The following CNN2 variants were observed in gnomAD, a reference collection of about 807,000 sequenced individuals.
The protein encoded by CNN2 is calponin 2, also known as calponin-2.
A neutral mutation model predicts 31.0 loss-of-function variants in CNN2; 21 were observed. That is an observed-to-expected ratio of 0.68 (90% CI 0.48 to 0.98). CNN2 has a LOEUF of 0.98. CNN2 is among the 50% of genes least tolerant of loss of function. The pLI is 0.00. For missense variants in CNN2, 399 were observed against 427.3 expected (o/e 0.93, Z 0.58); for synonymous variants, 165 against 179.6 (o/e 0.92, Z 0.65).
intron 1 of CNN2, among the ~76,000 whole-genome samples, chr19:1,028,616 T>C (rs2039437713): frequency 1.3e-5 from 2 of 151,866 alleles, no homozygotes; most frequent in Admixed American, 1.3e-4. Flanking sequence ...GAACAGCTGG[T>C]TCAGATTTAG....
At chr19:1,029,674 G>T (rs1489613836) in intron 1 of CNN2, among the ~76,000 whole-genome samples, 1 of 151,776 alleles carries the variant, frequency 6.6e-6, no homozygotes, top group Non-Finnish European at 1.5e-5. Flanking sequence ...CAGGGAGAGG[G>T]ATTTGATTTT....
intron 2 of CNN2, 67 bp from the exon 3 acceptor site, chr19:1,032,325 G>C: frequency 6.3e-7 from 1 of 1,589,330 alleles, no homozygotes; most frequent in South Asian, 1.1e-5. Context: ...GATCAGCATC[G>C]GGTCTTCACG....
intron 1 of CNN2, among the ~76,000 whole-genome samples, chr19:1,029,827 G>A (rs1162034235): frequency 6.6e-6 from 1 of 151,786 alleles, no homozygotes; most frequent in Admixed American, 6.6e-5. Context: ...AGCCTCCCAA[G>A]TAGCTGGGAC....
In CNN2 at chr19:1,031,564, C is replaced by CAA. The variant is rs536524090; in HGVS notation, c.185+397_185+398dup. Among the ~76,000 whole-genome samples, 96 of 66,298 alleles carry CAA rather than the reference C, an allele frequency of 1.4e-3. 1 individual carries two copies. The highest frequency in any genetic ancestry group is 3.1e-3 in the African/African-American group (44 of 14,014). 43.5% of individuals were successfully genotyped at this position (66,298 alleles called of 152,430 possible). Reference sequence around the variant, plus strand: ...GGGGTGACACAGCGAGACTCCATCTCAAAAAAAAAAAAAAAAAAAAAAAAA... The same window carrying CAA: ...GGGGTGACACAGCGAGACTCCATCTCAAAAAAAAAAAAAAAAAAAAAAAAAAA... On this transcript the variant is annotated intron_variant, in intron 2 of 6. Coordinates refer to ENST00000263097, the MANE Select transcript of CNN2 (RefSeq NM_004368.4).
rs1294227296 is a variant in CNN2 at position 1,037,487 on chromosome 19, G to T, written c.655-138G>T. On this transcript the variant is annotated intron_variant, in intron 6 of 6. Transcript: ENST00000263097. ...GGGTTTCACCGTGTTGGCCAGGCTG[G>T]ACTGGAACTCCTGACCTCAGGTGAT... is the stretch of plus-strand genomic sequence containing the variant. 1.8e-5 allele frequency: 19 copies of T among 1,078,140 alleles called. No homozygotes were observed. The African/African-American group carries it at 2.9e-4, about 16-fold the overall frequency. The allele number at this position is 1,078,140 out of a possible 1,614,324, so 66.8% of individuals were successfully genotyped here.
chr19:1,028,524 T>A (rs1780417987), intron 1 of CNN2, among the ~76,000 whole-genome samples: 2 of 152,064 alleles, frequency 1.3e-5, no homozygotes, highest in Non-Finnish European at 2.9e-5. Context: ...CTCAGTTGAC[T>A]CCCGGCTGGA....
chr19:1,036,000 G>A (rs1409834340), intron 4 of CNN2, 130 bp from the exon 5 acceptor site: 1 of 1,393,346 alleles, frequency 7.2e-7, no homozygotes, highest in African/African-American at 1.5e-5. Flanking sequence ...CGAGAGATGT[G>A]CCTGTGGGGG....
At chr19:1,035,616 C>T (rs181216705) in intron 4 of CNN2, among the ~76,000 whole-genome samples, 5 of 152,242 alleles carry the variant, frequency 3.3e-5, no homozygotes, top group African/African-American at 1.2e-4. Context: ...TAAGACAAGG[C>T]ACGCTGGGAT....
chr19:1,036,141 G>A lies in CNN2; in HGVS notation c.402G>A (p.Lys134=), dbSNP rs2144629685. ...TTTCCCTCACCCAGGCCAAGACTAA[G>A]GGGCTGCAGAGCGGGGTGGACATTG... The part of the protein sequence containing the change: ...LLALAGKAKT[K]GLQSGVDIGV... Residue 134 remains lysine, a synonymous_variant, in exon 5 of 7, where the codon AAG becomes AAA. Coordinates refer to ENST00000263097, the MANE Select transcript of CNN2 (RefSeq NM_004368.4). 6.2e-7 allele frequency: 1 copy of A among 1,611,424 alleles called. No individual in the cohort carries two copies. Among genetic ancestry groups the A allele is most frequent in the African/African-American group, 1.3e-5 (1 of 74,944 alleles).
rs1294171958 is a variant in CNN2 at position 1,031,056 on chromosome 19, C to T, written c.64-15C>T. On this transcript the variant is annotated splice_polypyrimidine_tract_variant and intron_variant, in intron 1 of 6. Transcript: ENST00000263097. Reference sequence around the variant, plus strand: ...CCCCCAGCCCAGCTCAGTCTCGTGCCCTTTGCTCCACCAGCTCCTGTCCAA... The same window carrying T: ...CCCCCAGCCCAGCTCAGTCTCGTGCTCTTTGCTCCACCAGCTCCTGTCCAA... The T allele has an allele frequency of 3.1e-6, 5 of 1,609,758 alleles. No individual in the cohort carries two copies. Among genetic ancestry groups the T allele is most frequent in the Non-Finnish European group, 3.4e-6 (4 of 1,177,832 alleles).
intron 6 of CNN2, 42 bp downstream of exon 6, chr19:1,036,604 T>G (rs1423458267): frequency 9.9e-6 from 16 of 1,612,740 alleles, no homozygotes; most frequent in Non-Finnish European, 1.2e-5. Context: ...TCCCTGCCCC[T>G]CTACACCCTG....
chr19:1,032,328 T>A (rs1391066638), intron 2 of CNN2, 64 bp from the exon 3 acceptor site: 4 of 1,590,694 alleles, frequency 2.5e-6, no homozygotes, highest in African/African-American at 1.4e-5. Context: ...CAGCATCGGG[T>A]CTTCACGGTT....
intron 6 of CNN2, chr19:1,037,268 G>A: frequency 4.1e-6 from 1 of 246,674 alleles, no homozygotes; most frequent in Non-Finnish European, 8.1e-6. Flanking sequence ...CTCCCGAGTA[G>A]CTGAGACTAC....
rs750111327 is a variant in CNN2 at position 1,036,580 on chromosome 19, GC to G, written c.654+23del. On this transcript the variant is annotated intron_variant, in intron 6 of 6. Coordinates refer to ENST00000263097, the MANE Select transcript of CNN2 (RefSeq NM_004368.4). Reference sequence around the variant, plus strand: ...CCAGCCAGGTGGGGCTCGCCCGGGTGCCCCCGACTCCTCTCCCTGCCCCTCT... The same window carrying G: ...CCAGCCAGGTGGGGCTCGCCCGGGTGCCCCGACTCCTCTCCCTGCCCCTCT... The G allele has an allele frequency of 1.2e-5, 20 of 1,613,280 alleles. 1 individual carries two copies. In the South Asian group the frequency reaches 1.8e-4, roughly 14 times the overall value.
chr19:1,030,836 AGCCGGTTGTCG>A, intron 1 of CNN2: 1 of 451,026 alleles, frequency 2.2e-6, no homozygotes, highest in Middle Eastern at 6.5e-4. Context: ...GTGAGTTCTA[AGCCGGTTGTCG>A]GCCTGCTTGG....
intron 1 of CNN2, among the ~76,000 whole-genome samples, chr19:1,029,882 A>G (rs1434585962): frequency 6.6e-6 from 1 of 151,824 alleles, no homozygotes; most frequent in Non-Finnish European, 1.5e-5. Flanking sequence ...GTATTTTAGT[A>G]CAGACGGGAT....
chr19:1,038,985 C>A lies in CNN2; in HGVS notation c.*1085C>A, dbSNP rs1044355214. On this transcript the variant is annotated 3_prime_UTR_variant, in exon 7 of 7. Coordinates refer to ENST00000263097, the MANE Select transcript of CNN2 (RefSeq NM_004368.4). Reference sequence around the variant, plus strand: ...CCGCCAAGTACTGCACAGGGACCCCCCACCCAGGGGACCTGCTCCGTGAGA... The same window carrying A: ...CCGCCAAGTACTGCACAGGGACCCCACACCCAGGGGACCTGCTCCGTGAGA... The A allele has an allele frequency of 6.6e-6, 1 of 152,538 alleles. No homozygotes were observed. The highest frequency in any genetic ancestry group is 1.5e-5 in the Non-Finnish European group (1 of 68,076). The allele number at this position is 152,538 out of a possible 1,614,324, so 9.4% of individuals were successfully genotyped here. A position where few individuals can be genotyped will look rare whatever the true frequency, so the allele number is the denominator to read the frequency against.
At chr19:1,028,069 G>A (rs2039427351) in intron 1 of CNN2, among the ~76,000 whole-genome samples, 3 of 152,132 alleles carry the variant, frequency 2.0e-5, no homozygotes, top group Non-Finnish European at 4.4e-5. Flanking sequence ...AGTGGGGTGG[G>A]CACCCTGCCG....
At chr19:1,036,916 C>G in intron 6 of CNN2, 3 of 343,416 alleles carry the variant, frequency 8.7e-6, no homozygotes, top group South Asian at 7.3e-5. Flanking sequence ...TGCAGTGGCA[C>G]GATCTCGGCT....
Sources: gnomAD v4.1 joint callset for allele counts (sites outside exome capture counted in the v4.1 genomes callset) on GRCh38, gnomAD v4.1.1 for gene constraint, MANE v1.5 for transcripts, NCBI Gene and HGNC (gene_info 2026-07-23, HGNC 2026-07-21) for gene names.